EPB41: variants seen among roughly 807,000 people sequenced by gnomAD.
The protein encoded by EPB41 is protein 4.1.
Under a neutral mutation model 108.0 loss-of-function variants are expected in EPB41, and 65 were observed. The ratio of observed to expected loss-of-function variants is 0.60; its 90% CI spans 0.49 to 0.74. The LOEUF (loss-of-function observed/expected upper bound fraction) is 0.74, where lower values mean the gene tolerates loss of function less well. Among genes scored for constraint, EPB41 ranks in the 30% least tolerant of loss-of-function variants. The pLI is 0.00. For missense variants in EPB41, 875 were observed against 1,037.0 expected (o/e 0.84, Z 2.15); for synonymous variants, 336 against 358.9 (o/e 0.94, Z 0.72).
Position 29,030,452 on chromosome 1 carries a change from T to C in EPB41, c.1177T>C (p.Leu393=). The part of the protein sequence containing the change: ...DLEFLENAKK[L]SMYGVDLHKA... ...GGAGTTTCTTGAGAATGCCAAAAAG[T>C]TGTCTATGTATGGAGTTGATCTTCA... Residue 393 remains leucine, a synonymous_variant, in exon 8 of 21, where the codon TTG becomes CTG. Coordinates refer to ENST00000343067, the MANE Select transcript of EPB41 (RefSeq NM_001376013.1). The C allele has an allele frequency of 6.2e-7, 1 of 1,614,096 alleles. No individual in the cohort carries two copies. Among genetic ancestry groups the C allele is most frequent in the Non-Finnish European group, 8.5e-7 (1 of 1,179,992 alleles).
At chr1:28,976,427 T>A (rs2095609586) in intron 1 of EPB41, among the ~76,000 whole-genome samples, 1 of 152,168 alleles carries the variant, frequency 6.6e-6, no homozygotes, top group South Asian at 2.1e-4. Flanking sequence ...GGATCATGAC[T>A]CACTGTAGCC....
chr1:28,951,412 G>A (rs1357730761), intron 1 of EPB41, among the ~76,000 whole-genome samples: 1 of 150,856 alleles, frequency 6.6e-6, no homozygotes, highest in Non-Finnish European at 1.5e-5. Context: ...GATGTGTGTT[G>A]GAGGAATTGG....
At chr1:29,023,075 A>G (rs994204280) in intron 7 of EPB41, among the ~76,000 whole-genome samples, 4 of 150,422 alleles carry the variant, frequency 2.7e-5, no homozygotes, top group East Asian at 2.0e-4. Context: ...GCTCACTGCA[A>G]TCTCCGCCTG....
Position 29,035,935 on chromosome 1 carries a change from A to T in EPB41, c.1463+12A>T. On this transcript the variant is annotated intron_variant, in intron 10 of 20. Transcript: ENST00000343067. Reference sequence around the variant, plus strand: ...CACACGTTTTTCAGGTATTATTCTCACTTAAGTATTTTTCAAGGATAAATT... The same window carrying T: ...CACACGTTTTTCAGGTATTATTCTCTCTTAAGTATTTTTCAAGGATAAATT... The T allele has an allele frequency of 6.4e-7, 1 of 1,568,524 alleles. No individual in the cohort carries two copies. Among genetic ancestry groups the T allele is most frequent in the Middle Eastern group, 1.7e-4 (1 of 5,956 alleles).
chr1:29,100,862 A>C (rs1665093007), intron 17 of EPB41, among the ~76,000 whole-genome samples: 1 of 150,800 alleles, frequency 6.6e-6, no homozygotes, highest in Admixed American at 6.7e-5. Context: ...CCAGGTGTTC[A>C]AGGCTACAGT....
intron 4 of EPB41, among the ~76,000 whole-genome samples, chr1:29,002,448 C>T (rs954426015): frequency 1.4e-5 from 2 of 147,730 alleles, no homozygotes; most frequent in African/African-American, 5.0e-5. Flanking sequence ...AAGACCCTAC[C>T]TCAAAAAAAA....
chr1:28,992,548 G>T (rs985631252), intron 2 of EPB41, among the ~76,000 whole-genome samples: 1 of 152,134 alleles, frequency 6.6e-6, no homozygotes, highest in African/African-American at 2.4e-5. Context: ...AATTAGCTGG[G>T]CGTGGTGGCG....
chr1:28,911,915 C>T (rs2092278768), upstream of EPB41, among the ~76,000 whole-genome samples: 1 of 151,966 alleles, frequency 6.6e-6, no homozygotes, highest in Non-Finnish European at 1.5e-5. Context: ...GGTGCACATG[C>T]CTGTAATCCC....
chr1:29,055,698 C>A (rs1247435056), intron 12 of EPB41, among the ~76,000 whole-genome samples: 1 of 151,618 alleles, frequency 6.6e-6, no homozygotes, highest in African/African-American at 2.4e-5. Context: ...GCCCGTAATC[C>A]CAGCAATTTG....
In EPB41 at chr1:29,033,173, C is replaced by T. The variant is rs747323029; in HGVS notation, c.1293C>T (p.Arg431=). Residue 431 remains arginine (R), a synonymous_variant, in exon 9 of 21, where the codon CGC becomes CGT. Coordinates refer to ENST00000343067, the MANE Select transcript of EPB41 (RefSeq NM_001376013.1). The part of the protein sequence containing the change: ...LVYKDKLRIN[R]FPWPKVLKIS... Reference sequence around the variant, plus strand: ...ACAAAGATAAGCTGAGAATTAACCGCTTCCCTTGGCCCAAAGTGCTGAAGA... The same window carrying T: ...ACAAAGATAAGCTGAGAATTAACCGTTTCCCTTGGCCCAAAGTGCTGAAGA... 6.2e-7 allele frequency: 1 copy of T among 1,613,890 alleles called. No homozygotes were observed. The highest frequency in any genetic ancestry group is 1.3e-5 in the African/African-American group (1 of 74,910).
At chr1:28,892,729 C>A (rs2090256645) in intron 1 of EPB41, among the ~76,000 whole-genome samples, 1 of 149,254 alleles carries the variant, frequency 6.7e-6, no homozygotes, top group Admixed American at 6.7e-5. Context: ...CAAAACAAAA[C>A]AAAACAAATG....
At chr1:28,910,498 G>A (rs1023942402), upstream of EPB41, among the ~76,000 whole-genome samples, 12 of 152,062 alleles carry the variant, frequency 7.9e-5, no homozygotes, top group Non-Finnish European at 1.5e-4. Context: ...ACAGACACAG[G>A]GCTTCAGGCC....
chr1:28,986,498 AGT>A (rs2095872002), intron 1 of EPB41, among the ~76,000 whole-genome samples: 1 of 152,206 alleles, frequency 6.6e-6, no homozygotes, highest in Non-Finnish European at 1.5e-5. Flanking sequence ...CTCCCCTACG[AGT>A]GAATCAACAC....
chr1:28,925,860 G>C (rs981039916), intron 1 of EPB41, among the ~76,000 whole-genome samples: 2 of 152,140 alleles, frequency 1.3e-5, no homozygotes, highest in Non-Finnish European at 2.9e-5. Flanking sequence ...ATTTTGAGCA[G>C]AGGAATGGCA....
At position 29,100,743 on chromosome 1, in the gene EPB41, ATAAT is replaced by A. The variant is rs1665048343; in HGVS notation, c.2313+2811_2313+2814del. Among the ~76,000 whole-genome samples the A allele has an allele frequency of 2.7e-5, 4 of 147,116 alleles. No individual in the cohort carries two copies. The South Asian group carries it at 8.4e-4, about 31-fold the overall frequency. On this transcript the variant is annotated intron_variant, in intron 17 of 20. Transcript: ENST00000343067. ...TTATATTAAATATGTAAATTAATAT[ATAAT>A]TACACATTAAATATATAATATATAT...
chr1:29,034,636 G>A (rs1638677923), intron 9 of EPB41, among the ~76,000 whole-genome samples: 1 of 152,134 alleles, frequency 6.6e-6, no homozygotes, highest in South Asian at 2.1e-4. Context: ...TAGAAATAAA[G>A]AGGCAAGAGG....
intron 17 of EPB41, among the ~76,000 whole-genome samples, chr1:29,099,111 G>A (rs1020299694): frequency 2.7e-5 from 4 of 149,424 alleles, no homozygotes; most frequent in African/African-American, 4.9e-5. Context: ...GTTCAGGACC[G>A]GCCTGGCCAA....
chr1:29,053,482 AGAGTT>A (rs1644858498), intron 12 of EPB41, 170 bp downstream of exon 12: 2 of 776,944 alleles, frequency 2.6e-6, no homozygotes. Context: ...ATATTTTCGT[AGAGTT>A]ATGTCAGTAA....
intron 1 of EPB41, among the ~76,000 whole-genome samples, chr1:28,899,151 T>C (rs2091023305): frequency 6.6e-6 from 1 of 152,212 alleles, no homozygotes; most frequent in African/African-American, 2.4e-5. Flanking sequence ...ATGCATGTGG[T>C]GCAGTGGCCT....
Sources: allele counts gnomAD v4.1 joint callset (sites outside exome capture counted in the v4.1 genomes callset), GRCh38; gene constraint gnomAD v4.1.1; transcripts MANE v1.5; gene names NCBI Gene and HGNC (gene_info 2026-07-23, HGNC 2026-07-21).